Variants in CES2 observed in about 807,000 individuals in gnomAD.
CES2 encodes carboxylesterase 2, also known as cocaine esterase.
CES2 carries 42 observed loss-of-function variants against 52.1 expected under a neutral mutation model. That is an observed-to-expected ratio of 0.81 (90% CI 0.63 to 1.04). The LOEUF (loss-of-function observed/expected upper bound fraction) is 1.04. Among genes scored for constraint, CES2 ranks in the 50% least tolerant of loss-of-function variants. The probability of loss-of-function intolerance (pLI) is 0.00; values close to 1 mark genes in which losing one functional copy is unlikely to be tolerated. For synonymous variants in CES2, 277 were observed against 289.6 expected (o/e 0.96, Z 0.44); for missense variants, 656 against 724.3 (o/e 0.91, Z 1.08).
rs1343814847 is a variant in CES2 at position 66,944,059 on chromosome 16, T to G, written c.*34T>G. On this transcript the variant is annotated 3_prime_UTR_variant, in exon 12 of 12. Transcript: ENST00000317091. ...GCCGGGGAGGAGGGGGTGGGTTCGC[T>G]GACAGGCGAGGGTCAGCCTGCTGTG... 1 of 1,264,690 alleles carries G rather than the reference T, an allele frequency of 7.9e-7. No individual in the cohort carries two copies. The highest frequency in any genetic ancestry group is 1.1e-6 in the Non-Finnish European group (1 of 926,076). 78.3% of individuals were successfully genotyped at this position (1,264,690 alleles called of 1,614,324 possible).
chr16:66,940,958 G>A (rs1963349719), intron 5 of CES2, among the ~76,000 whole-genome samples, 166 bp from the exon 6 acceptor site: 1 of 152,238 alleles, frequency 6.6e-6, no homozygotes, highest in Admixed American at 6.5e-5. Context: ...CGGATGGGAT[G>A]GCCCCTGTGT....
Position 66,941,843 on chromosome 16 carries a change from C to A in CES2, c.1132C>A (p.Leu378Met), listed in dbSNP as rs1244930481. The A allele has an allele frequency of 6.2e-7, 1 of 1,614,140 alleles. No homozygotes were observed. Among genetic ancestry groups the A allele is most frequent in the Admixed American group, 1.7e-5 (1 of 60,024 alleles). ...SQAALQKMLT[L>M]LMLPPTFGDL... The stretch of plus-strand genomic sequence containing the variant: ...GGCTGCTCTGCAGAAAATGTTAACG[C>A]TGCTGGTAAGGCTCCTGGGGTCCCT... The change falls in exon 8 of 12, where the codon CTG (leucine) becomes ATG (methionine). Residue 378 changes from leucine (L) to methionine (M), a missense_variant. Physicochemically the swap from Leu to Met is conservative, Grantham distance 15. Coordinates refer to ENST00000317091, the MANE Select transcript of CES2 (RefSeq NM_001365405.1).
At chr16:66,938,475 G>A (rs903649438) in intron 2 of CES2, 1 of 567,360 alleles carries the variant, frequency 1.8e-6, no homozygotes, top group African/African-American at 1.9e-5. Context: ...ATTGGCTCCA[G>A]GTGCCGAAGG....
Position 66,943,257 on chromosome 16 carries a change from T to C in CES2, c.1421-42T>C. The C allele has an allele frequency of 6.2e-7, 1 of 1,602,042 alleles. No homozygotes were observed. The highest frequency in any genetic ancestry group is 8.5e-7 in the Non-Finnish European group (1 of 1,169,904). Reference sequence around the variant, plus strand: ...CGAGCTCCACCTGGGATGCTGAGGTTGGACATCCTGATGAAGACACATGTC... The same window carrying C: ...CGAGCTCCACCTGGGATGCTGAGGTCGGACATCCTGATGAAGACACATGTC... On this transcript the variant is annotated intron_variant, in intron 10 of 11. Coordinates refer to ENST00000317091, the MANE Select transcript of CES2 (RefSeq NM_001365405.1). The surrounding 1 kb of genome is among the most constrained non-coding windows in gnomAD (Gnocchi z 4.2).
chr16:66,935,911 G>T (rs1345317344), intron 1 of CES2, 200 bp downstream of exon 1: 2 of 1,446,238 alleles, frequency 1.4e-6, no homozygotes, highest in Admixed American at 2.6e-5. Context: ...GTCGGGCTGG[G>T]GGACACCACG....
Position 66,940,455 on chromosome 16 carries a change from A to T in CES2, c.576A>T (p.Ala192=), listed in dbSNP as rs1963332176. The T allele has an allele frequency of 1.2e-6, 2 of 1,614,066 alleles. No homozygotes were observed. Among genetic ancestry groups the T allele is most frequent in the African/African-American group, 2.7e-5 (2 of 74,924 alleles). Residue 192 remains alanine, a synonymous_variant, in exon 5 of 12, where the codon GCA becomes GCT. Coordinates refer to ENST00000317091, the MANE Select transcript of CES2 (RefSeq NM_001365405.1). ...LGFFSTGDKH[A]TGNWGYLDQV... The stretch of plus-strand genomic sequence containing the variant: ...TTCTCAGCACTGGAGACAAGCACGC[A>T]ACCGGCAACTGGGGCTACCTGGACC...
Position 66,943,943 on chromosome 16 carries a change from A to C in CES2, c.1598A>C (p.His533Pro), listed in dbSNP as rs1332397796. The C allele has an allele frequency of 4.3e-6, 7 of 1,609,672 alleles. No homozygotes were observed. The highest frequency in any genetic ancestry group is 5.9e-6 in the Non-Finnish European group (7 of 1,176,888). The change falls in exon 12 of 12, where the codon CAC becomes CCC. Residue 533 changes from histidine (H) to proline (P), a missense_variant. His to Pro is a moderately conservative substitution (Grantham distance 77). Coordinates refer to ENST00000317091, the MANE Select transcript of CES2 (RefSeq NM_001365405.1). This position sits in a 1 kb window ranked among gnomAD's most constrained non-coding sequence, Gnocchi z 4.2. ...QPAVGRALKAHRLQFWKKALP... is the reference protein window; with the variant it reads ...QPAVGRALKAPRLQFWKKALP... ...GCGGTGGGCCGGGCTCTGAAGGCCC[A>C]CAGGCTCCAGTTCTGGAAGAAGGCG...
In CES2 at chr16:66,940,699, A is replaced by G. The variant is rs780112513; in HGVS notation, c.816+4A>G. 1 of 1,613,698 alleles carries G rather than the reference A, an allele frequency of 6.2e-7. No individual in the cohort carries two copies. Among genetic ancestry groups the G allele is most frequent in the East Asian group, 2.2e-5 (1 of 44,874 alleles). ...CTCAGCTGATGTCATCTCCACGGTG[A>G]GTGCCCTCAGCTGAAGAGGCCTAGG... On this transcript the variant is annotated splice_donor_region_variant and intron_variant, in intron 5 of 11. Transcript: ENST00000317091.
rs769856883 is a variant in CES2 at position 66,938,184 on chromosome 16, C to G, written c.224C>G (p.Pro75Arg). Reference sequence around the variant, plus strand: ...CCTCTAGGTCCGCTGCGATTTGCACCCCCTGAGCCCCCTGAATCTTGGAGT... The same window carrying G: ...CCTCTAGGTCCGCTGCGATTTGCACGCCCTGAGCCCCCTGAATCTTGGAGT... ...KPPLGPLRFA[P>R]PEPPESWSGV... Residue 75 changes from proline to arginine, a missense_variant, in exon 2 of 12, where the codon CCC (proline) becomes CGC (arginine). Transcript: ENST00000317091. 34 of 1,614,026 alleles carry G rather than the reference C, an allele frequency of 2.1e-5. 1 individual carries two copies. The South Asian group carries it at 3.5e-4, about 17-fold the overall frequency.
intron 2 of CES2, 66 bp from the exon 3 acceptor site, chr16:66,939,151 C>T (rs1963291437): frequency 6.7e-7 from 1 of 1,487,280 alleles, no homozygotes; most frequent in Non-Finnish European, 9.3e-7. Flanking sequence ...GGGAGCACCT[C>T]TGAACCCAGG....
rs1291122796 is a variant in CES2, at chr16:66,943,351, G to C, written c.1473G>C (p.Trp491Cys). The C allele has an allele frequency of 1.9e-6, 3 of 1,613,950 alleles. No homozygotes were observed. Among genetic ancestry groups the C allele is most frequent in the Admixed American group, 1.7e-5 (1 of 59,986 alleles). Residue 491 changes from tryptophan to cysteine, a missense_variant, in exon 11 of 12, where the codon TGG (tryptophan) becomes TGC (cysteine). Trp to Cys is a radical substitution (Grantham distance 215). Transcript: ENST00000317091. The surrounding 1 kb of genome is among the most constrained non-coding windows in gnomAD (Gnocchi z 4.2). ...TAAGCAGGAAGATGATGAAGTACTG[G>C]GCCAACTTTGCGAGAAATGGGTGAG... The part of the protein sequence containing the change: ...EQLSRKMMKY[W>C]ANFARNGNPN...
chr16:66,937,970 A>G, intron 1 of CES2, 67 bp from the exon 2 acceptor site: 2 of 1,319,514 alleles, frequency 1.5e-6, no homozygotes, highest in Non-Finnish European at 2.2e-6. Flanking sequence ...GGAAGCAGCA[A>G]TACCAACAGT....
intron 9 of CES2, 188 bp from the exon 10 acceptor site, chr16:66,942,460 A>T: frequency 1.2e-6 from 1 of 800,082 alleles, no homozygotes; most frequent in Non-Finnish European, 1.9e-6. Context: ...AGGGACCTTC[A>T]GTGACTTGCC....
At chr16:66,940,835 G>C (rs1461343372) in intron 5 of CES2, 140 bp downstream of exon 5, 2 of 1,202,986 alleles carry the variant, frequency 1.7e-6, no homozygotes, top group African/African-American at 3.1e-5. Context: ...TTGCTGGGGG[G>C]CTCCAGGGTC....
chr16:66,937,708 A>G (rs1287159826), intron 1 of CES2, among the ~76,000 whole-genome samples: 1 of 152,140 alleles, frequency 6.6e-6, no homozygotes, highest in Non-Finnish European at 1.5e-5. Flanking sequence ...TTGCCTGCCC[A>G]ATTCCCACCA....
rs1963396003 is a variant in CES2, at chr16:66,942,683, C to T, written c.1318C>T (p.His440Tyr). 6.2e-7 allele frequency: 1 copy of T among 1,614,238 alleles called. No homozygotes were observed. The highest frequency in any genetic ancestry group is 2.2e-5 in the East Asian group (1 of 44,888). ...CCCTGTGTACTTCTACGAGTTCCAG[C>T]ATCAGCCCAGCTGGCTCAAGAACAT... is the stretch of plus-strand genomic sequence containing the variant. Reference protein sequence around the residue: ...RAPVYFYEFQHQPSWLKNIRP... With the variant: ...RAPVYFYEFQYQPSWLKNIRP... The change falls in exon 10 of 12, where the codon CAT (histidine) becomes TAT (tyrosine). Residue 440 changes from histidine (H) to tyrosine (Y), a missense_variant. Transcript: ENST00000317091.
At chr16:66,941,463 T>C in intron 6 of CES2, 43 bp from the exon 7 acceptor site, 2 of 1,608,196 alleles carry the variant, frequency 1.2e-6, no homozygotes, top group Non-Finnish European at 1.7e-6. Context: ...TCGGAAGATG[T>C]CTGGGACCTG....
At chr16:66,942,822 T>C in intron 10 of CES2, 37 bp downstream of exon 10, 2 of 1,613,720 alleles carry the variant, frequency 1.2e-6, no homozygotes, top group Non-Finnish European at 1.7e-6. Context: ...TGGGCTGGGA[T>C]TCTGGCTGGG....
rs528101220 is a variant in CES2 at position 66,939,739 on chromosome 16, G to T, written c.423+381G>T. Among the ~76,000 whole-genome samples, 15 of 152,372 alleles carry T rather than the reference G, an allele frequency of 9.8e-5. No homozygotes were observed. The South Asian group carries it at 2.9e-3, about 29-fold the overall frequency. On this transcript the variant is annotated intron_variant, in intron 3 of 11. Coordinates refer to ENST00000317091, the MANE Select transcript of CES2 (RefSeq NM_001365405.1). ...CTTTTTTTCTTAGAGATGGCATCATGCTCTGTTGCCCAGGCTAAAATGCAG... is the reference window on the plus strand; with the variant it reads ...CTTTTTTTCTTAGAGATGGCATCATTCTCTGTTGCCCAGGCTAAAATGCAG...
Sources: allele counts gnomAD v4.1 joint callset (sites outside exome capture counted in the v4.1 genomes callset), GRCh38; gene constraint gnomAD v4.1.1; non-coding constraint Gnocchi (gnomAD v3.1); transcripts MANE v1.5; gene names NCBI Gene and HGNC (gene_info 2026-07-23, HGNC 2026-07-21).